SPAM1: variants seen among roughly 807,000 people sequenced by gnomAD.
SPAM1 encodes hyaluronidase PH-20.
SPAM1 carries 22 observed loss-of-function variants against 29.6 expected under a neutral mutation model. The ratio of observed to expected loss-of-function variants is 0.74; its 90% CI spans 0.53 to 1.06. The LOEUF (loss-of-function observed/expected upper bound fraction) is 1.06. Ranked by LOEUF, SPAM1 falls within the 50% of genes least tolerant of loss-of-function variation. SPAM1 has a pLI of 0.00. For missense variants in SPAM1, 534 were observed against 604.0 expected (o/e 0.88, Z 1.21); for synonymous variants, 194 against 204.6 (o/e 0.95, Z 0.44).
chr7:123,970,180 C>T (rs1792479108), intron 5 of SPAM1: 1 of 1,547,666 alleles, frequency 6.5e-7, no homozygotes, highest in African/African-American at 1.4e-5. Context: ...AATTAATTTT[C>T]TTATGGTTTT....
At chr7:123,940,115 C>T (rs1808384876) in intron 1 of SPAM1, among the ~76,000 whole-genome samples, 2 of 151,664 alleles carry the variant, frequency 1.3e-5, no homozygotes, top group South Asian at 4.2e-4. Flanking sequence ...TTTGACTGCA[C>T]TGTGGCTTCT....
Position 123,954,425 on chromosome 7 carries a change from C to CTG in SPAM1, c.855_856insTG (p.Ile286Ter). 1 of 1,613,390 alleles carries CTG rather than the reference C, an allele frequency of 6.2e-7. No individual in the cohort carries two copies. The highest frequency in any genetic ancestry group is 8.5e-7 in the Non-Finnish European group (1 of 1,179,630). ...ATGTGCGCAATCGAGTTCGGGAAGCCATCAGAGTTTCCAAAATACCTGATG... is the reference window on the plus strand; with the variant it reads ...ATGTGCGCAATCGAGTTCGGGAAGCCTGATCAGAGTTTCCAAAATACCTGATG... On this transcript the variant is annotated frameshift_variant, in exon 3 of 5. Coordinates refer to ENST00000682466, the MANE Select transcript of SPAM1 (RefSeq NM_153189.3). LOFTEE classifies it high-confidence loss of function.
At chr7:123,963,844 T>C (rs1209741564), downstream of SPAM1, among the ~76,000 whole-genome samples, 5 of 151,912 alleles carry the variant, frequency 3.3e-5, no homozygotes, top group Admixed American at 2.6e-4. Flanking sequence ...TTTCCTCAAA[T>C]AGAAGGTCAA....
chr7:123,937,266 A>T (rs968905110), intron 1 of SPAM1, among the ~76,000 whole-genome samples: 3 of 152,160 alleles, frequency 2.0e-5, no homozygotes, highest in African/African-American at 7.2e-5. Context: ...TTGGTAGTCC[A>T]GGGGAAATAA....
At position 123,954,267 on chromosome 7, in the gene SPAM1, G is replaced by C. The variant is rs1243466828; in HGVS notation, c.697G>C (p.Gly233Arg). ...TTACAACCATCACTATAAGAAACCC[G>C]GTTACAATGGAAGTTGCTTCAATGT... ...DCYNHHYKKP[G>R]YNGSCFNVEI... Residue 233 changes from glycine (G) to arginine (R), a missense_variant, in exon 3 of 5, where the codon GGT (glycine) becomes CGT (arginine). By Grantham distance (125) the Gly-to-Arg change is moderately radical. Coordinates refer to ENST00000682466, the MANE Select transcript of SPAM1 (RefSeq NM_153189.3). 15 of 1,612,314 alleles carry C rather than the reference G, an allele frequency of 9.3e-6. No individual in the cohort carries two copies. Among genetic ancestry groups the C allele is most frequent in the Non-Finnish European group, 1.2e-5 (14 of 1,179,438 alleles).
At chr7:123,937,865 A>G (rs1808305424) in intron 1 of SPAM1, among the ~76,000 whole-genome samples, 1 of 152,156 alleles carries the variant, frequency 6.6e-6, no homozygotes, top group African/African-American at 2.4e-5. Flanking sequence ...GATGGAAGAC[A>G]GTAAGGATAG....
At chr7:123,949,744 A>G (rs1409120913) in intron 1 of SPAM1, 128 bp from the exon 2 acceptor site, 1 of 152,190 alleles carries the variant, frequency 6.6e-6, no homozygotes, top group Non-Finnish European at 1.5e-5. Context: ...GGATTTAGCT[A>G]GCATGTGTTC....
chr7:123,959,895 C>T lies in SPAM1; in HGVS notation c.1456C>T (p.Pro486Ser). 1 of 1,612,892 alleles carries T rather than the reference C, an allele frequency of 6.2e-7. No individual in the cohort carries two copies. The highest frequency in any genetic ancestry group is 8.5e-7 in the Non-Finnish European group (1 of 1,179,470). ...EEPQIFYNAS[P>S]STLSATMFIV... ...ACCTCAAATTTTCTACAATGCTTCA[C>T]CCTCCACACTATCTGCCACAATGTT... is the stretch of plus-strand genomic sequence containing the variant. Residue 486 changes from proline to serine, a missense_variant, in exon 5 of 5, where the codon CCC (proline) becomes TCC (serine). Pro to Ser is a moderately conservative substitution (Grantham distance 74). Transcript: ENST00000682466.
rs1214653427 is a variant in SPAM1 at position 123,954,365 on chromosome 7, G to A, written c.795G>A (p.Leu265=). 1.2e-6 allele frequency: 2 copies of A among 1,613,406 alleles called. No homozygotes were observed. The highest frequency in any genetic ancestry group is 1.7e-6 in the Non-Finnish European group (2 of 1,179,614). ...CTGCTCTTTACCCATCCATTTATTT[G>A]AACACTCAGCAGTCTCCTGTAGCTG... ...ESTALYPSIY[L]NTQQSPVAAT... is the part of the protein sequence containing the mutation. The change falls in exon 3 of 5, where the codon TTG becomes TTA. Residue 265 remains leucine, a synonymous_variant. Transcript: ENST00000682466.
downstream of SPAM1, among the ~76,000 whole-genome samples, chr7:123,960,700 G>T (rs938772245): frequency 1.3e-5 from 2 of 151,642 alleles, no homozygotes; most frequent in Non-Finnish European, 2.9e-5. Flanking sequence ...GAAACAAAAA[G>T]AGATGAAACC....
chr7:123,937,416 A>T (rs975731061), intron 1 of SPAM1, among the ~76,000 whole-genome samples: 1 of 151,980 alleles, frequency 6.6e-6, no homozygotes, highest in Admixed American at 6.6e-5. Context: ...CCTGGATAAC[A>T]TGGTGAAATC....
rs1792190019 is a variant in SPAM1 at position 123,954,223 on chromosome 7, ATTATC to A, written c.656_660del (p.Tyr219PhefsTer10). ...CTTCGGCCAAATCACTTGTGGGGTT[ATTATC>A]TTTTTCCGGATTGTTACAACCATCA... On this transcript the variant is annotated frameshift_variant, in exon 3 of 5. Coordinates refer to ENST00000682466, the MANE Select transcript of SPAM1 (RefSeq NM_153189.3). LOFTEE classifies it high-confidence loss of function. The A allele has an allele frequency of 5.0e-6, 8 of 1,613,376 alleles. No homozygotes were observed. The highest frequency in any genetic ancestry group is 6.8e-6 in the Non-Finnish European group (8 of 1,179,674).
Position 123,953,678 on chromosome 7 carries a change from G to C in SPAM1, c.108G>C (p.Leu36=), listed in dbSNP as rs1392763741. 1 of 1,613,230 alleles carries C rather than the reference G, an allele frequency of 6.2e-7. No homozygotes were observed. The highest frequency in any genetic ancestry group is 8.5e-7 in the Non-Finnish European group (1 of 1,179,636). The change falls in exon 3 of 5, where the codon CTG becomes CTC. Residue 36 remains leucine, a synonymous_variant. Transcript: ENST00000682466. ...TFLLIPCCLT[L]NFRAPPVIPN... ...TTCTGATTCCATGTTGCTTGACTCT[G>C]AATTTCAGAGCACCTCCTGTTATTC... is the stretch of plus-strand genomic sequence containing the variant.
At chr7:123,955,183 C>T in intron 4 of SPAM1, 97 bp downstream of exon 4, 1 of 835,240 alleles carries the variant, frequency 1.2e-6, no homozygotes, top group Non-Finnish European at 2.0e-6. Context: ...TAGTACTATG[C>T]TTGGCATGTA....
intron 1 of SPAM1, among the ~76,000 whole-genome samples, chr7:123,936,163 A>C (rs1808239733): frequency 6.6e-6 from 1 of 152,260 alleles, no homozygotes. Context: ...AGTGCAATGC[A>C]CTGAGACAGC....
At chr7:123,951,233 C>G (rs1182536068) in intron 2 of SPAM1, among the ~76,000 whole-genome samples, 1 of 152,102 alleles carries the variant, frequency 6.6e-6, no homozygotes, top group African/African-American at 2.4e-5. Context: ...TTGATGATCT[C>G]TTTTGCTGTG....
chr7:123,960,341 C>T (rs933157383), downstream of SPAM1, among the ~76,000 whole-genome samples: 2 of 151,804 alleles, frequency 1.3e-5, no homozygotes, highest in African/African-American at 4.8e-5. Flanking sequence ...TTTAAGAACT[C>T]GAAAGTGAAA....
intron 1 of SPAM1, among the ~76,000 whole-genome samples, chr7:123,946,321 C>T (rs1369432388): frequency 6.6e-6 from 1 of 152,136 alleles, no homozygotes; most frequent in East Asian, 1.9e-4. Flanking sequence ...AGGGAAGCTT[C>T]CAGGCCTCAG....
chr7:123,943,119 C>G (rs1246197314), intron 1 of SPAM1, among the ~76,000 whole-genome samples: 1 of 152,132 alleles, frequency 6.6e-6, no homozygotes, highest in East Asian at 1.9e-4. Context: ...AAAGGATCAG[C>G]AACATTTTAA....
Sources: gnomAD v4.1 joint callset for allele counts (sites outside exome capture counted in the v4.1 genomes callset) on GRCh38, gnomAD v4.1.1 for gene constraint, MANE v1.5 for transcripts, NCBI Gene and HGNC (gene_info 2026-07-23, HGNC 2026-07-21) for gene names.